SPATS2: variants seen among roughly 807,000 people sequenced by gnomAD.
SPATS2 encodes spermatogenesis-associated serine-rich protein 2.
In SPATS2, 38 loss-of-function variants were observed where a neutral mutation model predicts 63.7. The ratio of observed to expected loss-of-function variants is 0.60; its 90% CI spans 0.46 to 0.78. The LOEUF (loss-of-function observed/expected upper bound fraction) is 0.78. SPATS2 is among the 30% of genes least tolerant of loss of function. The pLI is 0.00. For synonymous variants in SPATS2, 207 were observed against 232.9 expected (o/e 0.89, Z 1.01); for missense variants, 588 against 666.2 (o/e 0.88, Z 1.29).
At position 49,421,244 on chromosome 12, in the gene SPATS2, C is replaced by T. The variant is rs12308020; in HGVS notation, c.-243-39526C>T. Among the ~76,000 whole-genome samples the T allele has an allele frequency of 3.2e-3, 491 of 152,038 alleles. 5 individuals are homozygous for T. The highest frequency in any genetic ancestry group is 0.011 in the African/African-American group (449 of 41,478). On this transcript the variant is annotated intron_variant, in intron 2 of 13. Transcript: ENST00000552918. Reference sequence around the variant, plus strand: ...ACCAGCCTGGCCAACATAGCAAAAGCCCGTCTCTACTAAAAATACAAAAAT... The same window carrying T: ...ACCAGCCTGGCCAACATAGCAAAAGTCCGTCTCTACTAAAAATACAAAAAT...
At chr12:49,410,139 A>G (rs1307053379) in intron 2 of SPATS2, among the ~76,000 whole-genome samples, 1 of 151,876 alleles carries the variant, frequency 6.6e-6, no homozygotes, top group African/African-American at 2.4e-5. Flanking sequence ...GCAATGGTGC[A>G]GTCTTGGCTC....
At chr12:49,493,789 T>A (rs1339491560) in intron 6 of SPATS2, among the ~76,000 whole-genome samples, 1 of 152,262 alleles carries the variant, frequency 6.6e-6, no homozygotes, top group East Asian at 1.9e-4. Flanking sequence ...CAATTTCTTA[T>A]ATATCTTTCA....
At chr12:49,440,787 G>A (rs180771938) in intron 2 of SPATS2, among the ~76,000 whole-genome samples, 3 of 152,186 alleles carry the variant, frequency 2.0e-5, no homozygotes, top group African/African-American at 7.2e-5. Context: ...AATAAATACA[G>A]GCCAGTTGTT....
At chr12:49,436,263 G>A (rs1402259495) in intron 2 of SPATS2, among the ~76,000 whole-genome samples, 3 of 149,160 alleles carry the variant, frequency 2.0e-5, no homozygotes, top group African/African-American at 7.5e-5. Context: ...CGGCTGGCCG[G>A]GCGGGGGGCT....
chr12:49,519,280 T>C, intron 11 of SPATS2, 98 bp downstream of exon 11: 1 of 918,754 alleles, frequency 1.1e-6, no homozygotes, highest in Non-Finnish European at 1.6e-6. Flanking sequence ...ATTAAACTCA[T>C]GATCTTCCTT....
intron 2 of SPATS2, among the ~76,000 whole-genome samples, chr12:49,398,134 T>TAAAA (rs1384319008): frequency 4.1e-5 from 1 of 24,420 alleles, no homozygotes; most frequent in African/African-American, 3.1e-4. Flanking sequence ...AGACCCTGTC[T>TAAAA]CAAAAAAAAA....
At chr12:49,450,900 A>T in intron 2 of SPATS2, among the ~76,000 whole-genome samples, 1 of 144,408 alleles carries the variant, frequency 6.9e-6, no homozygotes, top group Non-Finnish European at 1.5e-5. Context: ...ATGATGTCTC[A>T]CTCTGTTGCT....
chr12:49,503,202 T>C (rs529694423), intron 9 of SPATS2, among the ~76,000 whole-genome samples: 12 of 152,018 alleles, frequency 7.9e-5, no homozygotes, highest in Admixed American at 7.9e-4. Context: ...ATTCAAAAAT[T>C]AGCCGGGCGT....
At chr12:49,494,624 G>C in intron 6 of SPATS2, 117 bp from the exon 7 acceptor site, 1 of 1,016,038 alleles carries the variant, frequency 9.8e-7, no homozygotes, top group African/African-American at 1.6e-5. Context: ...ATTTCTGAAA[G>C]AACATACAAG....
intron 7 of SPATS2, among the ~76,000 whole-genome samples, chr12:49,496,632 C>T (rs539037685): frequency 7.1e-4 from 108 of 152,332 alleles, no homozygotes; most frequent in African/African-American, 2.5e-3. Context: ...CCGGACGCCA[C>T]TTAAGACTAA....
intron 3 of SPATS2, among the ~76,000 whole-genome samples, chr12:49,479,038 A>G (rs987991136): frequency 6.6e-5 from 10 of 152,136 alleles, no homozygotes; most frequent in Non-Finnish European, 1.2e-4. Context: ...AGGTCGTCCC[A>G]TTGTCTCTGC....
chr12:49,512,631 A>G (rs1946771729), intron 9 of SPATS2, among the ~76,000 whole-genome samples: 1 of 152,220 alleles, frequency 6.6e-6, no homozygotes, highest in Non-Finnish European at 1.5e-5. Context: ...ACCTTGCTAA[A>G]AGTGTCATCT....
chr12:49,384,578 A>C (rs1267733476), intron 2 of SPATS2, among the ~76,000 whole-genome samples: 1 of 152,178 alleles, frequency 6.6e-6, no homozygotes, highest in African/African-American at 2.4e-5. Context: ...AGCATGCATA[A>C]ATGTTTTTTG....
chr12:49,512,004 A>G (rs1946761409), intron 9 of SPATS2, among the ~76,000 whole-genome samples: 1 of 152,264 alleles, frequency 6.6e-6, no homozygotes, highest in African/African-American at 2.4e-5. Flanking sequence ...TGTAGATGAC[A>G]TGTCACCCCT....
At position 49,517,865 on chromosome 12, in the gene SPATS2, G is replaced by A. The variant is rs1347262235; in HGVS notation, c.899-1208G>A. On this transcript the variant is annotated intron_variant, in intron 10 of 13. Coordinates refer to ENST00000552918, the MANE Select transcript of SPATS2 (RefSeq NM_023071.4). The stretch of plus-strand genomic sequence containing the variant: ...ATTATGTTGGTACCCAACAACATTG[G>A]ATTTCTGATAGCCCTGAATGTTCCT... Among the ~76,000 whole-genome samples the A allele has an allele frequency of 2.0e-5, 3 of 152,128 alleles. No individual in the cohort carries two copies. The South Asian group carries it at 6.2e-4, about 32-fold the overall frequency.
chr12:49,455,243 G>A (rs1412861413), intron 2 of SPATS2, among the ~76,000 whole-genome samples: 1 of 152,162 alleles, frequency 6.6e-6, no homozygotes, highest in African/African-American at 2.4e-5. Flanking sequence ...AGATCTTTGT[G>A]TGTTGGGAAC....
intron 2 of SPATS2, among the ~76,000 whole-genome samples, chr12:49,371,601 T>C (rs1043986726): frequency 4.6e-5 from 7 of 152,278 alleles, no homozygotes; most frequent in African/African-American, 1.7e-4. Context: ...GGGTAATTTA[T>C]AAAGAAAAGA....
At chr12:49,433,143 G>T (rs935284318) in intron 2 of SPATS2, among the ~76,000 whole-genome samples, 7 of 152,058 alleles carry the variant, frequency 4.6e-5, no homozygotes, top group Non-Finnish European at 1.0e-4. Context: ...GTGGGTTCAA[G>T]GTGTTAACTC....
chr12:49,472,267 T>G (rs1013553760), intron 3 of SPATS2, among the ~76,000 whole-genome samples: 7 of 152,130 alleles, frequency 4.6e-5, no homozygotes, highest in Admixed American at 1.3e-4. Flanking sequence ...TATTTTTTTT[T>G]GTCTGTCTTT....
Sources: allele counts gnomAD v4.1 joint callset (sites outside exome capture counted in the v4.1 genomes callset), GRCh38; gene constraint gnomAD v4.1.1; transcripts MANE v1.5; gene names NCBI Gene and HGNC (gene_info 2026-07-23, HGNC 2026-07-21).